ZNF704: variants seen among roughly 807,000 people sequenced by gnomAD.
The protein encoded by ZNF704 is glucocorticoid induced gene 1.
A neutral mutation model predicts 44.7 loss-of-function variants in ZNF704; 10 were observed. That is an observed-to-expected ratio of 0.22 (90% confidence interval 0.14 to 0.38). The LOEUF (loss-of-function observed/expected upper bound fraction) is 0.38, where lower values mean the gene tolerates loss of function less well. Among genes scored for constraint, ZNF704 ranks in the 10% least tolerant of loss-of-function variants. ZNF704 has a pLI of 1.00. For missense variants in ZNF704, 390 were observed against 545.5 expected (o/e 0.71, Z 2.84); for synonymous variants, 211 against 207.6 (o/e 1.02, Z -0.14).
chr8:80,845,059 C>G (rs1808746832), intron 1 of ZNF704, among the ~76,000 whole-genome samples: 1 of 152,150 alleles, frequency 6.6e-6, no homozygotes, highest in Non-Finnish European at 1.5e-5. Context: ...ATGGAAGTTA[C>G]AGAACTATTC....
At chr8:80,668,409 C>T (rs1018772017) in intron 5 of ZNF704, among the ~76,000 whole-genome samples, 2 of 152,334 alleles carry the variant, frequency 1.3e-5, no homozygotes, top group East Asian at 1.9e-4. Flanking sequence ...CAGGCTGAGG[C>T]GCCTGGGGAG....
intron 2 of ZNF704, among the ~76,000 whole-genome samples, chr8:80,713,170 T>C (rs905813842): frequency 6.6e-6 from 1 of 152,214 alleles, no homozygotes; most frequent in African/African-American, 2.4e-5. Flanking sequence ...AAAAATTAAA[T>C]GACGTTAAAA....
chr8:80,843,752 T>A (rs1407202934), intron 1 of ZNF704, among the ~76,000 whole-genome samples: 1 of 152,162 alleles, frequency 6.6e-6, no homozygotes, highest in Admixed American at 6.6e-5. Flanking sequence ...AGATAAAAAT[T>A]GTAAAGCTTG....
At chr8:80,756,402 C>T (rs755349809) in intron 2 of ZNF704, among the ~76,000 whole-genome samples, 19 of 152,154 alleles carry the variant, frequency 1.2e-4, no homozygotes, top group Non-Finnish European at 2.8e-4. Flanking sequence ...ACATCAACCC[C>T]ATGAGGAGGT....
At chr8:80,873,477 G>A (rs1459841844) in intron 1 of ZNF704, 2 of 151,676 alleles carry the variant, frequency 1.3e-5, no homozygotes, top group Non-Finnish European at 1.5e-5. Flanking sequence ...GCCTTGCCCC[G>A]GGGCCCGGGC....
chr8:80,837,063 T>C (rs1163777529), intron 1 of ZNF704, among the ~76,000 whole-genome samples: 4 of 151,992 alleles, frequency 2.6e-5, no homozygotes, highest in Admixed American at 6.6e-5. Context: ...CAGATGCATG[T>C]TATATGGTGG....
At chr8:80,846,429 C>T (rs895628607) in intron 1 of ZNF704, among the ~76,000 whole-genome samples, 3 of 145,816 alleles carry the variant, frequency 2.1e-5, no homozygotes, top group Admixed American at 7.0e-5. Context: ...CACACACACA[C>T]GTTAATTCTT....
chr8:80,659,289 TAC>T (rs1464141815), intron 7 of ZNF704, among the ~76,000 whole-genome samples: 2 of 152,214 alleles, frequency 1.3e-5, no homozygotes, highest in Non-Finnish European at 2.9e-5. Flanking sequence ...CTATTAATTT[TAC>T]AGTCTTTTGG....
At chr8:80,699,766 A>C (rs925691025) in intron 2 of ZNF704, among the ~76,000 whole-genome samples, 1 of 151,148 alleles carries the variant, frequency 6.6e-6, no homozygotes, top group African/African-American at 2.4e-5. Context: ...CTTTGAAAAG[A>C]CTCCCTCCTG....
At chr8:80,808,194 C>T (rs1307581985) in intron 2 of ZNF704, among the ~76,000 whole-genome samples, 1 of 152,192 alleles carries the variant, frequency 6.6e-6, no homozygotes, top group East Asian at 1.9e-4. Context: ...ATTTTACCTC[C>T]GATGTGGAAA....
intron 2 of ZNF704, among the ~76,000 whole-genome samples, chr8:80,727,621 C>T (rs1473201221): frequency 1.3e-5 from 2 of 151,850 alleles, no homozygotes; most frequent in South Asian, 2.1e-4. Context: ...GAGGGAGAGG[C>T]GAGCTTGGAG....
At chr8:80,775,412 C>T (rs561984836) in intron 2 of ZNF704, among the ~76,000 whole-genome samples, 6 of 152,278 alleles carry the variant, frequency 3.9e-5, no homozygotes, top group African/African-American at 1.4e-4. Flanking sequence ...TTCCATTGGT[C>T]TATTCTTACT....
At chr8:80,742,630 A>G (rs1290013250) in intron 2 of ZNF704, among the ~76,000 whole-genome samples, 1 of 152,192 alleles carries the variant, frequency 6.6e-6, no homozygotes, top group East Asian at 1.9e-4. Context: ...TCAAAGGTGT[A>G]AAACTACAAA....
chr8:80,668,154 G>A (rs1459233481), intron 5 of ZNF704, among the ~76,000 whole-genome samples: 2 of 152,176 alleles, frequency 1.3e-5, no homozygotes, highest in East Asian at 3.9e-4. Flanking sequence ...GATAATTTGT[G>A]AGTTTGTAGA....
chr8:80,839,858 GT>G (rs1417465597), intron 1 of ZNF704, among the ~76,000 whole-genome samples: 1 of 151,792 alleles, frequency 6.6e-6, no homozygotes, highest in Non-Finnish European at 1.5e-5. Context: ...GAGAGAGAGA[GT>G]AAATGAATAC....
intron 2 of ZNF704, among the ~76,000 whole-genome samples, chr8:80,709,106 T>C (rs1361458510): frequency 1.3e-5 from 2 of 152,134 alleles, no homozygotes; most frequent in Non-Finnish European, 2.9e-5. Flanking sequence ...TCATCTACCA[T>C]AGACAGAAAT....
intron 1 of ZNF704, among the ~76,000 whole-genome samples, chr8:80,833,129 C>T (rs1808496871): frequency 1.3e-5 from 2 of 152,158 alleles, no homozygotes; most frequent in South Asian, 4.1e-4. Context: ...GGGTGGATCA[C>T]GAGGTCAAGA....
chr8:80,764,816 A>G lies in ZNF704; in HGVS notation c.221+56558T>C, dbSNP rs574971680. ...TACGCTTATCACAGACTTTTATTCAAGAGAATAATTTCATATATCTCTTAC... is the reference window on the plus strand; with the variant it reads ...TACGCTTATCACAGACTTTTATTCAGGAGAATAATTTCATATATCTCTTAC... On this transcript the variant is annotated intron_variant, in intron 2 of 8. Transcript: ENST00000327835. Among the ~76,000 whole-genome samples, 307 of 152,378 alleles carry G rather than the reference A, an allele frequency of 2.0e-3. 1 individual carries two copies. The highest frequency in any genetic ancestry group is 3.7e-3 in the Non-Finnish European group (254 of 68,044).
intron 6 of ZNF704, among the ~76,000 whole-genome samples, chr8:80,663,069 A>T (rs181628250): frequency 6.6e-6 from 1 of 152,336 alleles, no homozygotes; most frequent in East Asian, 1.9e-4. Flanking sequence ...ACATTGTATA[A>T]AAACAAATCA....
Sources: allele counts gnomAD v4.1 joint callset (sites outside exome capture counted in the v4.1 genomes callset), GRCh38; gene constraint gnomAD v4.1.1; transcripts MANE v1.5; gene names NCBI Gene and HGNC (gene_info 2026-07-23, HGNC 2026-07-21).